Variants in VTI1A observed in about 807,000 individuals in gnomAD.
VTI1A encodes the protein vesicle transport through interaction with t-SNAREs 1A.
In VTI1A, 22 loss-of-function variants were observed where a neutral mutation model predicts 34.9. That is an observed-to-expected ratio of 0.63 (90% confidence interval 0.45 to 0.90). The LOEUF (loss-of-function observed/expected upper bound fraction) is 0.90. Ranked by LOEUF, VTI1A falls within the 40% of genes least tolerant of loss-of-function variation. The probability of loss-of-function intolerance (pLI) is 0.00; values close to 1 mark genes in which losing one functional copy is unlikely to be tolerated. For missense variants in VTI1A, 268 were observed against 275.6 expected (o/e 0.97, Z 0.20); for synonymous variants, 87 against 97.3 (o/e 0.89, Z 0.62).
At chr10:112,505,182 C>T (rs1003430237) in intron 3 of VTI1A, among the ~76,000 whole-genome samples, 3 of 152,048 alleles carry the variant, frequency 2.0e-5, no homozygotes, top group Non-Finnish European at 4.4e-5. Flanking sequence ...CTTTTAGAGT[C>T]ATAGTTGCAA....
intron 5 of VTI1A, among the ~76,000 whole-genome samples, chr10:112,609,801 T>C (rs1379912947): frequency 1.3e-5 from 2 of 152,166 alleles, no homozygotes; most frequent in Non-Finnish European, 2.9e-5. Flanking sequence ...GATTCAGTGG[T>C]GCCTCATGGA....
chr10:112,846,714 C>T, the VTI1A span, among the ~76,000 whole-genome samples: 2 of 148,468 alleles, frequency 1.3e-5, no homozygotes, highest in South Asian at 2.1e-4. Context: ...TGCAGTGAGC[C>T]GAGATCGCGC....
rs537641243 is a variant in VTI1A at position 112,593,811 on chromosome 10, A to G, written c.427+55481A>G. On this transcript the variant is annotated intron_variant, in intron 5 of 7. Coordinates refer to ENST00000393077, the MANE Select transcript of VTI1A (RefSeq NM_145206.4). ...GAGTGCAGCGCCACAATCTCGGCTC[A>G]CTGCAAGCTTCGCCTCCCGGGCTCA... Among the ~76,000 whole-genome samples, 8 of 152,194 alleles carry G rather than the reference A, an allele frequency of 5.3e-5. No homozygotes were observed. In the East Asian group the frequency reaches 1.5e-3, roughly 29 times the overall value.
At chr10:112,713,797 C>T (rs1428939371) in intron 7 of VTI1A, among the ~76,000 whole-genome samples, 1 of 152,150 alleles carries the variant, frequency 6.6e-6, no homozygotes, top group Non-Finnish European at 1.5e-5. Context: ...TTGCAAGAAG[C>T]ATATTTACCA....
intron 3 of VTI1A, among the ~76,000 whole-genome samples, chr10:112,521,219 T>C (rs1448358988): frequency 2.6e-5 from 4 of 152,052 alleles, no homozygotes; most frequent in South Asian, 4.1e-4. Flanking sequence ...CTTTCTCTGA[T>C]AGCATTAAAG....
chr10:112,687,202 GCCTAGGCATACTACAA>G (rs1398395073), intron 7 of VTI1A, among the ~76,000 whole-genome samples: 4 of 145,360 alleles, frequency 2.8e-5, no homozygotes, highest in Non-Finnish European at 4.5e-5. Flanking sequence ...AACAAAACAG[GCCTAGGCATACTACAA>G]CTTTTTTTTT....
chr10:112,757,351 A>ATTT (rs1175362768), intron 7 of VTI1A, among the ~76,000 whole-genome samples: 455 of 40,708 alleles, frequency 0.011, 68 homozygotes, highest in Non-Finnish European at 0.014. Flanking sequence ...TGTTGCTGTG[A>ATTT]TTTTTTTTTT....
intron 7 of VTI1A, among the ~76,000 whole-genome samples, chr10:112,789,908 T>A (rs1852404189): frequency 6.6e-6 from 1 of 151,976 alleles, no homozygotes; most frequent in East Asian, 1.9e-4. Context: ...TTCTATTGAC[T>A]GCTTTTTTCC....
chr10:112,630,487 T>TC (rs1334132156), intron 5 of VTI1A, among the ~76,000 whole-genome samples: 2 of 152,140 alleles, frequency 1.3e-5, no homozygotes, highest in African/African-American at 4.8e-5. Context: ...TGCAATTAAT[T>TC]CCCCCAATGA....
intron 5 of VTI1A, among the ~76,000 whole-genome samples, chr10:112,624,912 C>T (rs1338791164): frequency 6.6e-6 from 1 of 152,028 alleles, no homozygotes; most frequent in Non-Finnish European, 1.5e-5. Context: ...GCCTGAGCAA[C>T]ATAGTGAGAC....
At chr10:112,737,338 C>T (rs1444876103) in intron 7 of VTI1A, 2 of 1,024,080 alleles carry the variant, frequency 2.0e-6, no homozygotes, top group Non-Finnish European at 2.3e-6. Flanking sequence ...GTGCCCAACC[C>T]TAACAATTAT....
chr10:112,533,362 A>G (rs555229549), intron 4 of VTI1A, among the ~76,000 whole-genome samples: 39 of 152,208 alleles, frequency 2.6e-4, no homozygotes, highest in Admixed American at 1.9e-3. Flanking sequence ...AAAACTCTGC[A>G]TGTAGTCTAT....
intron 7 of VTI1A, among the ~76,000 whole-genome samples, chr10:112,771,456 T>C (rs1392169422): frequency 6.6e-6 from 1 of 152,234 alleles, no homozygotes; most frequent in Non-Finnish European, 1.5e-5. Context: ...AAGGGTTTGC[T>C]TGTCCTGCAG....
At chr10:112,774,416 A>G (rs1442013645) in intron 7 of VTI1A, among the ~76,000 whole-genome samples, 7 of 152,128 alleles carry the variant, frequency 4.6e-5, no homozygotes, top group Admixed American at 3.9e-4. Context: ...CAGGATGACT[A>G]CTTCCTCCTC....
At chr10:112,835,393 G>A in the VTI1A span, among the ~76,000 whole-genome samples, 11 of 152,178 alleles carry the variant, frequency 7.2e-5, no homozygotes, top group Non-Finnish European at 1.0e-4. Flanking sequence ...CCTATCTGGG[G>A]GGCCTTCGAG....
chr10:112,678,311 A>G (rs556310159), intron 7 of VTI1A, among the ~76,000 whole-genome samples: 201 of 152,314 alleles, frequency 1.3e-3, no homozygotes, highest in African/African-American at 4.3e-3. Flanking sequence ...GCCTTCTTTG[A>G]ACGCAGCCTT....
chr10:112,561,490 T>G (rs959776206), intron 5 of VTI1A, among the ~76,000 whole-genome samples: 2 of 152,192 alleles, frequency 1.3e-5, no homozygotes, highest in Non-Finnish European at 2.9e-5. Flanking sequence ...AATCTCAGTT[T>G]TCCATTTTAT....
intron 5 of VTI1A, among the ~76,000 whole-genome samples, chr10:112,538,950 TATTA>T (rs1006764247): frequency 6.6e-6 from 1 of 152,200 alleles, no homozygotes; most frequent in Non-Finnish European, 1.5e-5. Context: ...TAATACCAGT[TATTA>T]ATTTCAGAAA....
At chr10:112,759,583 G>T (rs1564914737) in intron 7 of VTI1A, among the ~76,000 whole-genome samples, 1 of 152,200 alleles carries the variant, frequency 6.6e-6, no homozygotes, top group Non-Finnish European at 1.5e-5. Flanking sequence ...TTTCAAACAA[G>T]CTTCTTTTCT....
Sources: allele counts gnomAD v4.1 joint callset (sites outside exome capture counted in the v4.1 genomes callset), GRCh38; gene constraint gnomAD v4.1.1; transcripts MANE v1.5; gene names NCBI Gene and HGNC (gene_info 2026-07-23, HGNC 2026-07-21).